SGCE: variants seen among roughly 807,000 people sequenced by gnomAD.
The protein encoded by SGCE is sarcoglycan epsilon.
Under a neutral mutation model 57.8 loss-of-function variants are expected in SGCE, and 26 were observed. That is an observed-to-expected ratio of 0.45 (90% confidence interval 0.33 to 0.62). The LOEUF is 0.62. SGCE is among the 20% of genes least tolerant of loss of function. The pLI is 0.02. For missense variants in SGCE, 468 were observed against 548.6 expected (o/e 0.85, Z 1.47); for synonymous variants, 183 against 189.5 (o/e 0.97, Z 0.28).
At chr7:94,585,606 G>A in intron 10 of SGCE, 91 bp from the exon 11 acceptor site, 1 of 837,390 alleles carries the variant, frequency 1.2e-6, no homozygotes, top group Non-Finnish European at 2.1e-6. Flanking sequence ...CAAGGAGAAA[G>A]TTTCCATCTT....
Position 94,600,765 on chromosome 7 carries a change from A to G in SGCE, c.918T>C (p.Asp306=). ...TGTAATAGTCTCTGCTTTTCAAAGAATCAGAAGGGGGTTTGTATTCTCCAC... is the reference window on the plus strand; with the variant it reads ...TGTAATAGTCTCTGCTTTTCAAAGAGTCAGAAGGGGGTTTGTATTCTCCAC... ...PDGGEYKPPS[D]SLKSRDYYTD... The change falls in exon 7 of 11, where the codon GAT becomes GAC. Residue 306 remains aspartate (D), a synonymous_variant. Coordinates refer to ENST00000648936, the MANE Select transcript of SGCE (RefSeq NM_003919.3). The G allele has an allele frequency of 1.2e-6, 2 of 1,613,784 alleles. No homozygotes were observed. The highest frequency in any genetic ancestry group is 1.1e-5 in the South Asian group (1 of 91,064).
intron 6 of SGCE, among the ~76,000 whole-genome samples, chr7:94,601,958 A>C (rs954202659): frequency 3.9e-5 from 6 of 152,152 alleles, no homozygotes; most frequent in Non-Finnish European, 7.3e-5. Context: ...GCATAAAAAT[A>C]AATACATGTA....
chr7:94,652,956 A>G (rs1276244756), intron 1 of SGCE, among the ~76,000 whole-genome samples: 1 of 152,210 alleles, frequency 6.6e-6, no homozygotes, highest in Non-Finnish European at 1.5e-5. Flanking sequence ...CTTTGCTTAG[A>G]AATATATTTT....
chr7:94,634,372 G>A (rs918894605), intron 1 of SGCE, among the ~76,000 whole-genome samples: 4 of 152,100 alleles, frequency 2.6e-5, no homozygotes, highest in Non-Finnish European at 4.4e-5. Context: ...GGTGATACCC[G>A]TATGGACTGT....
intron 8 of SGCE, 111 bp downstream of exon 8, chr7:94,599,586 C>T: frequency 1.2e-6 from 1 of 864,562 alleles, no homozygotes; most frequent in Non-Finnish European, 1.9e-6. Context: ...ATGAAATAAA[C>T]TATGAAAGAT....
intron 5 of SGCE, among the ~76,000 whole-genome samples, chr7:94,615,417 GATAGATA>G (rs1562836115): frequency 2.4e-5 from 3 of 127,652 alleles, no homozygotes; most frequent in African/African-American, 8.5e-5. Flanking sequence ...TAGATAGATA[GATAGATA>G]AAGGGCAATT....
Position 94,598,757 on chromosome 7 carries a change from C to T in SGCE, c.1253+18G>A. On this transcript the variant is annotated intron_variant, in intron 9 of 10. Transcript: ENST00000648936. ...TATACATGCATATTAATAATTATGG[C>T]TCTAAGTGGACACTTACTGCTGCGT... is the stretch of plus-strand genomic sequence containing the variant. 6.5e-7 allele frequency: 1 copy of T among 1,540,906 alleles called. No individual in the cohort carries two copies. The highest frequency in any genetic ancestry group is 9.0e-7 in the Non-Finnish European group (1 of 1,113,336).
intron 10 of SGCE, chr7:94,587,904 T>TA: frequency 6.8e-7 from 1 of 1,478,008 alleles, no homozygotes; most frequent in Non-Finnish European, 9.0e-7. Context: ...TTAAGAGACT[T>TA]ACTTAATAGT....
At chr7:94,587,222 C>G in intron 10 of SGCE, 2 of 985,496 alleles carry the variant, frequency 2.0e-6, no homozygotes, top group Non-Finnish European at 2.4e-6. Flanking sequence ...TAAAATGTAG[C>G]AAGTTAACAA....
At chr7:94,637,653 G>A (rs1023711154) in intron 1 of SGCE, among the ~76,000 whole-genome samples, 2 of 152,178 alleles carry the variant, frequency 1.3e-5, no homozygotes, top group Non-Finnish European at 2.9e-5. Context: ...CATAATAGAT[G>A]ACTCTGCTGA....
At chr7:94,626,767 G>A (rs1394703329) in intron 3 of SGCE, 1 of 151,838 alleles carries the variant, frequency 6.6e-6, no homozygotes, top group Non-Finnish European at 1.5e-5. Flanking sequence ...TTTTGTTCCT[G>A]AATTTAAATG....
In SGCE at chr7:94,618,818, A is replaced by G. The variant is rs1802329239; in HGVS notation, c.602T>C (p.Ile201Thr). ...GCCACCCCTGTCTAGGGCCGATGTG[A>G]TGTTTATGGCGTTCAGGCGCTCTGG... ...WQPERLNAIN[I>T]TSALDRGGRV... Residue 201 changes from isoleucine (I) to threonine (T), a missense_variant, in exon 5 of 11, where the codon ATC (isoleucine) becomes ACC (threonine). Ile to Thr is a moderately conservative substitution (Grantham distance 89). Coordinates refer to ENST00000648936, the MANE Select transcript of SGCE (RefSeq NM_003919.3). The G allele has an allele frequency of 1.2e-6, 2 of 1,614,026 alleles. No homozygotes were observed. Among genetic ancestry groups the G allele is most frequent in the Non-Finnish European group, 8.5e-7 (1 of 1,179,976 alleles).
chr7:94,588,777 C>G (rs551379038), intron 9 of SGCE, 45 bp from the exon 10 acceptor site: 7 of 1,610,558 alleles, frequency 4.3e-6, no homozygotes, highest in Non-Finnish European at 5.9e-6. Flanking sequence ...TGTTTACACA[C>G]TTGTAAACAG....
chr7:94,637,457 A>G (rs930246567), intron 1 of SGCE, among the ~76,000 whole-genome samples: 6 of 152,240 alleles, frequency 3.9e-5, no homozygotes, highest in African/African-American at 1.4e-4. Context: ...TTACCTCAGT[A>G]GATTCAAGAT....
intron 1 of SGCE, among the ~76,000 whole-genome samples, chr7:94,635,805 A>C (rs10235385): frequency 0.17 from 25,381 of 152,196 alleles, 2,180 homozygotes; most frequent in East Asian, 0.3. Flanking sequence ...CTTGTGTTTT[A>C]TCAATACAAC....
intron 10 of SGCE, chr7:94,588,312 T>C: frequency 1.9e-6 from 2 of 1,074,198 alleles, no homozygotes; most frequent in East Asian, 7.3e-5. Flanking sequence ...TTTCCTTTTG[T>C]AAGAGAGCTT....
intron 9 of SGCE, chr7:94,589,265 C>T (rs1425684068): frequency 6.2e-6 from 1 of 161,582 alleles, no homozygotes; most frequent in African/African-American, 2.4e-5. Flanking sequence ...CATCCTTGTT[C>T]CTTCCCTCTC....
chr7:94,601,460 A>AC lies in SGCE; in HGVS notation c.826-604_826-603insG, dbSNP rs1356871816. Among the ~76,000 whole-genome samples, 274 of 68,908 alleles carry AC rather than the reference A, an allele frequency of 4.0e-3. 4 individuals are homozygous for AC. The highest frequency in any genetic ancestry group is 0.04 in the Admixed American group (226 of 5,710). 45.2% of individuals were successfully genotyped at this position (68,908 alleles called of 152,430 possible). Reference sequence around the variant, plus strand: ...CCCAGTATCAAAAAAAAAAAAAAAAAAAAAAAAAAAAAAAAACTACAACAG... The same window carrying AC: ...CCCAGTATCAAAAAAAAAAAAAAAAACAAAAAAAAAAAAAAAACTACAACAG... On this transcript the variant is annotated intron_variant, in intron 6 of 10. Coordinates refer to ENST00000648936, the MANE Select transcript of SGCE (RefSeq NM_003919.3).
rs147015611 is a variant in SGCE, at chr7:94,616,117, C to T, written c.662+2641G>A. Among the ~76,000 whole-genome samples, 47 of 152,224 alleles carry T rather than the reference C, an allele frequency of 3.1e-4. No individual in the cohort carries two copies. The East Asian group carries it at 8.9e-3, about 29-fold the overall frequency. On this transcript the variant is annotated intron_variant, in intron 5 of 10. Coordinates refer to ENST00000648936, the MANE Select transcript of SGCE (RefSeq NM_003919.3). ...AGTTCTGCAGAGATTAAAAAAAATG[C>T]TCATCAAGAAGGATGAGGAGCTCAG...
Sources: gnomAD v4.1 joint callset for allele counts (sites outside exome capture counted in the v4.1 genomes callset) on GRCh38, gnomAD v4.1.1 for gene constraint, MANE v1.5 for transcripts, NCBI Gene and HGNC (gene_info 2026-07-23, HGNC 2026-07-21) for gene names.